Variants in ATG10 observed in about 807,000 individuals in gnomAD.
ATG10 encodes the protein ubiquitin-like-conjugating enzyme ATG10.
ATG10 carries 30 observed loss-of-function variants against 32.1 expected under a neutral mutation model. The observed-to-expected ratio is 0.94, with a 90% CI of 0.70 to 1.27. ATG10 has a LOEUF of 1.27. ATG10 is among the 50% of genes most tolerant of loss of function. The pLI, the probability that ATG10 is intolerant of heterozygous loss-of-function variation, is 0.00. For synonymous variants in ATG10, 87 were observed against 91.5 expected, an observed-to-expected ratio of 0.95 and a Z score of 0.28; for missense variants, 233 against 262.3, an observed-to-expected ratio of 0.89 and a Z score of 0.77.
At chr5:82,245,530 A>G (rs541320900) in intron 5 of ATG10, among the ~76,000 whole-genome samples, 11 of 152,262 alleles carry the variant, frequency 7.2e-5, no homozygotes, top group Middle Eastern at 3.4e-3. Flanking sequence ...CTGTGGCATT[A>G]AGATCTCCAC....
intron 5 of ATG10, among the ~76,000 whole-genome samples, chr5:82,244,434 G>A (rs1329600485): frequency 7.2e-5 from 11 of 152,068 alleles, no homozygotes; most frequent in Admixed American, 7.2e-4. Flanking sequence ...CAATAATAAA[G>A]CCTGTCTCAA....
At chr5:82,175,312 T>C (rs892298659) in intron 4 of ATG10, among the ~76,000 whole-genome samples, 3 of 152,186 alleles carry the variant, frequency 2.0e-5, no homozygotes, top group Non-Finnish European at 2.9e-5. Context: ...CCCTTCCCTA[T>C]ATAGCCACAT....
At chr5:82,215,955 A>C (rs905284191) in intron 5 of ATG10, among the ~76,000 whole-genome samples, 5 of 151,900 alleles carry the variant, frequency 3.3e-5, no homozygotes, top group Non-Finnish European at 5.9e-5. Context: ...AAAAAATCCA[A>C]TTTGTTACAT....
chr5:82,007,003 G>T (rs1762002288), intron 2 of ATG10, among the ~76,000 whole-genome samples: 1 of 152,078 alleles, frequency 6.6e-6, no homozygotes, highest in African/African-American at 2.4e-5. Flanking sequence ...ACAGGTGCGT[G>T]CCACCATGCC....
intron 2 of ATG10, chr5:82,010,158 C>T: frequency 7.5e-7 from 1 of 1,324,998 alleles, no homozygotes. Context: ...TATTTCTTGT[C>T]CTCAAGGTCT....
chr5:82,189,987 C>G (rs1286862910), intron 5 of ATG10, among the ~76,000 whole-genome samples: 5 of 152,182 alleles, frequency 3.3e-5, no homozygotes, highest in Non-Finnish European at 7.3e-5. Flanking sequence ...GGCACCTCCT[C>G]TCCCTATTTC....
At chr5:82,098,855 C>T (rs1345281461) in intron 3 of ATG10, among the ~76,000 whole-genome samples, 1 of 152,174 alleles carries the variant, frequency 6.6e-6, no homozygotes, top group East Asian at 1.9e-4. Context: ...TTACATGGGT[C>T]TTTGTCCAAC....
At chr5:82,024,863 T>C (rs541331186) in intron 2 of ATG10, among the ~76,000 whole-genome samples, 1 of 152,298 alleles carries the variant, frequency 6.6e-6, no homozygotes, top group East Asian at 1.9e-4. Context: ...GTTGACATTC[T>C]CGTATGAAAA....
chr5:82,216,869 A>G (rs1028690661), intron 5 of ATG10, among the ~76,000 whole-genome samples: 7 of 152,226 alleles, frequency 4.6e-5, no homozygotes, highest in Non-Finnish European at 8.8e-5. Flanking sequence ...AGCCTGGACA[A>G]TATGGTGAAA....
Position 82,063,503 on chromosome 5 carries a change from T to C in ATG10, c.216+4901T>C, listed in dbSNP as rs537957683. ...CAATGAACTGCTAACAATTTTTTTT[T>C]TTTTTTTGAAATAGAGTCTCACTCT... is the stretch of plus-strand genomic sequence containing the variant. On this transcript the variant is annotated intron_variant, in intron 3 of 7. Coordinates refer to ENST00000282185, the MANE Select transcript of ATG10 (RefSeq NM_031482.5). 2.0e-5 allele frequency among the ~76,000 whole-genome samples: 3 copies of C among 152,162 alleles called. No individual in the cohort carries two copies. In the East Asian group the frequency reaches 5.8e-4, roughly 29 times the overall value.
chr5:82,121,392 C>A (rs1178839313), intron 3 of ATG10, among the ~76,000 whole-genome samples: 2 of 152,208 alleles, frequency 1.3e-5, no homozygotes, highest in African/African-American at 4.8e-5. Context: ...GATACAGAAT[C>A]ACATTGCCTA....
At chr5:82,186,992 A>G (rs1386305930) in intron 5 of ATG10, among the ~76,000 whole-genome samples, 1 of 152,156 alleles carries the variant, frequency 6.6e-6, no homozygotes, top group African/African-American at 2.4e-5. Flanking sequence ...TTTGTTCCTT[A>G]GACTTCCCCT....
intron 5 of ATG10, among the ~76,000 whole-genome samples, chr5:82,227,816 T>A (rs1746193462): frequency 6.6e-6 from 1 of 152,220 alleles, no homozygotes; most frequent in Admixed American, 6.5e-5. Flanking sequence ...TACTCTATCT[T>A]AGTTTCTACA....
At chr5:82,186,417 CTGTT>C (rs915783698) in intron 5 of ATG10, among the ~76,000 whole-genome samples, 4 of 152,082 alleles carry the variant, frequency 2.6e-5, no homozygotes, top group Admixed American at 1.3e-4. Flanking sequence ...GAGATATACT[CTGTT>C]TGTTATATCC....
In ATG10 at chr5:82,079,620, T is replaced by G. The variant is rs1021243196; in HGVS notation, c.216+21018T>G. ...TATGAGTGAGAACATGCGGTGTTTGTTTTTTTTTCCCTGTGATAGTTTGCT... is the reference window on the plus strand; with the variant it reads ...TATGAGTGAGAACATGCGGTGTTTGGTTTTTTTTCCCTGTGATAGTTTGCT... On this transcript the variant is annotated intron_variant, in intron 3 of 7. Transcript: ENST00000282185. 1.2e-3 allele frequency among the ~76,000 whole-genome samples: 186 copies of G among 150,632 alleles called. 4 individuals carry two copies. Among genetic ancestry groups the G allele is most frequent in the Admixed American group, 6.0e-4 (9 of 15,072 alleles).
intron 3 of ATG10, among the ~76,000 whole-genome samples, chr5:82,097,299 A>G (rs6891113): frequency 0.43 from 64,689 of 152,044 alleles, 15,033 homozygotes; most frequent in East Asian, 0.78. Flanking sequence ...ATTCCTGATA[A>G]AGATCAAAGG....
At chr5:81,987,103 A>C (rs1561240512) in intron 1 of ATG10, among the ~76,000 whole-genome samples, 1 of 152,158 alleles carries the variant, frequency 6.6e-6, no homozygotes, top group Non-Finnish European at 1.5e-5. Context: ...GATAGGTGAG[A>C]AAGATAGAAA....
At chr5:82,120,599 G>A (rs1466108403) in intron 3 of ATG10, among the ~76,000 whole-genome samples, 1 of 152,096 alleles carries the variant, frequency 6.6e-6, no homozygotes, top group Non-Finnish European at 1.5e-5. Flanking sequence ...TCTTGATAGA[G>A]ACTGATTTTG....
chr5:82,148,571 A>G (rs1205788910), intron 3 of ATG10, among the ~76,000 whole-genome samples: 3 of 152,186 alleles, frequency 2.0e-5, no homozygotes, highest in African/African-American at 7.2e-5. Context: ...TGACATTTAT[A>G]TCCCCTCAAG....
Sources: gnomAD v4.1 joint callset for allele counts (sites outside exome capture counted in the v4.1 genomes callset) on GRCh38, gnomAD v4.1.1 for gene constraint, MANE v1.5 for transcripts, NCBI Gene and HGNC (gene_info 2026-07-23, HGNC 2026-07-21) for gene names.